The following CACNB1 variants were observed in gnomAD, a reference collection of about 807,000 sequenced individuals.
The protein encoded by CACNB1 is calcium voltage-gated channel auxiliary subunit beta 1.
In CACNB1, 29 loss-of-function variants were observed where a neutral mutation model predicts 71.6. The observed-to-expected ratio is 0.40, with a 90% CI of 0.30 to 0.55. CACNB1 has a LOEUF of 0.55. Among genes scored for constraint, CACNB1 ranks in the 20% least tolerant of loss-of-function variants. The probability of loss-of-function intolerance (pLI) is 0.38; values close to 1 mark genes in which losing one functional copy is unlikely to be tolerated. For missense variants in CACNB1, 623 were observed against 801.8 expected (o/e 0.78, Z 2.69); for synonymous variants, 300 against 319.6 (o/e 0.94, Z 0.65).
chr17:39,197,337 C>T, intron 1 of CACNB1, 75 bp downstream of exon 1: 1 of 981,400 alleles, frequency 1.0e-6, no homozygotes, highest in Non-Finnish European at 1.4e-6. Flanking sequence ...CTTCCTCTCC[C>T]GCGCCTCTCG....
rs2046087810 is a variant in CACNB1 at position 39,191,807 on chromosome 17, C to A, written c.172-214G>T. On this transcript the variant is annotated intron_variant, in intron 2 of 13. Coordinates refer to ENST00000394303, the MANE Select transcript of CACNB1 (RefSeq NM_000723.5). ...GAAAGTGTGGCCCTAGTGAGGGTGACAGCAGCAAGCAGGAGATGAAGGCAG... is the reference window on the plus strand; with the variant it reads ...GAAAGTGTGGCCCTAGTGAGGGTGAAAGCAGCAAGCAGGAGATGAAGGCAG... 6 of 532,268 alleles carry A rather than the reference C, an allele frequency of 1.1e-5. No homozygotes were observed. In the Admixed American group the frequency reaches 2.4e-4, roughly 22 times the overall value. 33.0% of individuals were successfully genotyped at this position (532,268 alleles called of 1,614,324 possible).
At chr17:39,193,591 T>C (rs1237165439) in intron 2 of CACNB1, 1 of 340,862 alleles carries the variant, frequency 2.9e-6, no homozygotes, top group Non-Finnish European at 5.9e-6. Context: ...TGCTAGGGTA[T>C]ATTTAGCTCA....
intron 12 of CACNB1, 127 bp downstream of exon 12, chr17:39,177,857 G>T: frequency 1.3e-6 from 1 of 768,794 alleles, no homozygotes; most frequent in Non-Finnish European, 2.3e-6. Flanking sequence ...CTTCCCAGAA[G>T]ACCAGTCTGC....
intron 1 of CACNB1, among the ~76,000 whole-genome samples, chr17:39,196,827 A>C (rs1597721895): frequency 2.9e-5 from 4 of 137,672 alleles, no homozygotes; most frequent in South Asian, 2.5e-4. Flanking sequence ...GTGTGGGGGG[A>C]GGGGAGCAGG....
rs760749834 is a variant in CACNB1 at position 39,195,014 on chromosome 17, C to T, written c.85-44G>A. The stretch of plus-strand genomic sequence containing the variant: ...GAACAAGAGTAGAATCAGAAGGGCC[C>T]TTTCCCAACCCTCATCTTGCCAGCC... On this transcript the variant is annotated intron_variant, in intron 1 of 13. Transcript: ENST00000394303. 6.5e-6 allele frequency: 9 copies of T among 1,374,750 alleles called. No homozygotes were observed. The African/African-American group carries it at 1.0e-4, about 15-fold the overall frequency. 85.2% of individuals were successfully genotyped at this position (1,374,750 alleles called of 1,614,324 possible).
intron 13 of CACNB1, chr17:39,177,022 G>T (rs970945675): frequency 3.2e-6 from 3 of 936,380 alleles, no homozygotes; most frequent in Non-Finnish European, 4.4e-6. Flanking sequence ...TGTCTTAAAA[G>T]CGCTCCCATC....
chr17:39,177,901 C>T, intron 12 of CACNB1, 83 bp downstream of exon 12: 1 of 1,110,332 alleles, frequency 9.0e-7, no homozygotes, highest in Non-Finnish European at 1.4e-6. Flanking sequence ...TCCTGGTCAC[C>T]CTGTCTCTCA....
rs753567164 is a variant in CACNB1, at chr17:39,193,604, G to C, written c.171+1280C>G. ...ACTGCTAGGGTATATTTAGCTCAGAGATGTGGCAAGGACTGCCCCCCTCCA... is the reference window on the plus strand; with the variant it reads ...ACTGCTAGGGTATATTTAGCTCAGACATGTGGCAAGGACTGCCCCCCTCCA... On this transcript the variant is annotated intron_variant, in intron 2 of 13. Coordinates refer to ENST00000394303, the MANE Select transcript of CACNB1 (RefSeq NM_000723.5). 9.8e-5 allele frequency: 31 copies of C among 316,706 alleles called. No individual in the cohort carries two copies. In the Middle Eastern group the frequency reaches 3.0e-3, roughly 31 times the overall value. 19.6% of individuals were successfully genotyped at this position (316,706 alleles called of 1,614,324 possible). A position where few individuals can be genotyped will look rare whatever the true frequency, so the allele number is the denominator to read the frequency against.
intron 3 of CACNB1, among the ~76,000 whole-genome samples, chr17:39,191,012 G>A (rs186060560): frequency 0.016 from 2,458 of 151,752 alleles, 69 homozygotes; most frequent in African/African-American, 0.057. Flanking sequence ...AGACCATCCT[G>A]GCTAACATGG....
chr17:39,187,393 G>T, intron 4 of CACNB1, 86 bp downstream of exon 4: 1 of 1,505,396 alleles, frequency 6.6e-7, no homozygotes, highest in Non-Finnish European at 9.2e-7. Context: ...GCCTGGCTCT[G>T]CTTGGCTCAG....
chr17:39,186,216 A>C lies in CACNB1; in HGVS notation c.628+280T>G. On this transcript the variant is annotated intron_variant, in intron 6 of 13. Coordinates refer to ENST00000394303, the MANE Select transcript of CACNB1 (RefSeq NM_000723.5). This position sits in a 1 kb window ranked among gnomAD's most constrained non-coding sequence, Gnocchi z 4.1. ...CAGGGATGGGGATGGGGAAAAAAGA[A>C]AGAAGAAGAGGTGAATGGAACAGGG... 2 of 902,682 alleles carry C rather than the reference A, an allele frequency of 2.2e-6. No homozygotes were observed. Among genetic ancestry groups the C allele is most frequent in the Non-Finnish European group, 3.5e-6 (2 of 569,630 alleles). The allele number at this position is 902,682 out of a possible 1,614,324, so 55.9% of individuals were successfully genotyped here. A position where few individuals can be genotyped will look rare whatever the true frequency, so the allele number is the denominator to read the frequency against.
chr17:39,194,107 T>C lies in CACNB1; in HGVS notation c.171+777A>G, dbSNP rs905562582. ...CCATTTCCTCTTCAATACACGCCTT[T>C]TCCTTGTCTAATCCCAAGCCCCTCT... On this transcript the variant is annotated intron_variant, in intron 2 of 13. Transcript: ENST00000394303. The surrounding 1 kb of genome is among the most constrained non-coding windows in gnomAD (Gnocchi z 4.6). Among the ~76,000 whole-genome samples, 2 of 152,096 alleles carry C rather than the reference T, an allele frequency of 1.3e-5. No individual in the cohort carries two copies. The highest frequency in any genetic ancestry group is 4.8e-5 in the African/African-American group (2 of 41,412).
rs761389003 is a variant in CACNB1 at position 39,175,232 on chromosome 17, A to G, written c.1758T>C (p.Asn586=). Reference sequence around the variant, plus strand: ...CGCCTCGTCCCCAGCCCTCCAGCTCATTCTTGTTGCGCCCCAAAACTGGAC... The same window carrying G: ...CGCCTCGTCCCCAGCCCTCCAGCTCGTTCTTGTTGCGCCCCAAAACTGGAC... ...GGGPVLGRNK[N]ELEGWGRGVY... Residue 586 remains asparagine, a synonymous_variant, in exon 14 of 14, where the codon AAT becomes AAC. Transcript: ENST00000394303. The surrounding 1 kb of genome is among the most constrained non-coding windows in gnomAD (Gnocchi z 4.7). 3 of 1,613,486 alleles carry G rather than the reference A, an allele frequency of 1.9e-6. 1 individual carries two copies. In the African/African-American group the frequency reaches 4.0e-5, roughly 22 times the overall value.
chr17:39,189,134 G>A (rs1160091058), intron 3 of CACNB1, among the ~76,000 whole-genome samples: 4 of 152,100 alleles, frequency 2.6e-5, no homozygotes, highest in African/African-American at 9.7e-5. Flanking sequence ...AAAGGCTAAG[G>A]TGGGTGGATC....
chr17:39,187,538 C>T lies in CACNB1; in HGVS notation c.355G>A (p.Val119Met). ...GTGATGGCCACTCCCTGCACAGGCA[C>T]CTCATCCCCTGGAGACGGATTGTAG... ...VGYNPSPGDE[V>M]PVQGVAITFE... is the part of the protein sequence containing the mutation. Residue 119 changes from valine to methionine, a missense_variant, in exon 4 of 14, where the codon GTG becomes ATG. By Grantham distance (21) the Val-to-Met change is conservative. Transcript: ENST00000394303. 6.2e-7 allele frequency: 1 copy of T among 1,614,174 alleles called. No homozygotes were observed. The highest frequency in any genetic ancestry group is 8.5e-7 in the Non-Finnish European group (1 of 1,180,024).
In CACNB1 at chr17:39,175,485, G is replaced by A. The variant is rs1405070657; in HGVS notation, c.1505C>T (p.Ala502Val). ...RALSRQDTFD[A>V]DTPGSRNSAY... The stretch of plus-strand genomic sequence containing the variant: ...AGAGTTTCGGCTGCCGGGGGTGTCG[G>A]CATCAAAAGTGTCTTGGCGGGACAG... Residue 502 changes from alanine (A) to valine (V), a missense_variant, in exon 14 of 14, where the codon GCC becomes GTC. Ala to Val is a moderately conservative substitution (Grantham distance 64). Transcript: ENST00000394303. This position sits in a 1 kb window ranked among gnomAD's most constrained non-coding sequence, Gnocchi z 4.7. 6.2e-7 allele frequency: 1 copy of A among 1,614,102 alleles called. No homozygotes were observed. The highest frequency in any genetic ancestry group is 8.5e-7 in the Non-Finnish European group (1 of 1,180,036).
chr17:39,184,718 AT>A, intron 8 of CACNB1, 65 bp downstream of exon 8: 1 of 1,135,068 alleles, frequency 8.8e-7, no homozygotes. Context: ...CTTCTAGGGG[AT>A]CTCTCTGGGG....
intron 11 of CACNB1, chr17:39,183,004 C>G: frequency 1.0e-6 from 1 of 966,644 alleles, no homozygotes; most frequent in Non-Finnish European, 1.2e-6. Flanking sequence ...CAGATCCCCA[C>G]TGGCATCTAG....
At chr17:39,191,325 A>G in intron 3 of CACNB1, 149 bp downstream of exon 3, 1 of 643,910 alleles carries the variant, frequency 1.6e-6, no homozygotes, top group Non-Finnish European at 2.6e-6. Context: ...TATAGCCCAC[A>G]TTGTGCAGGT....
Sources: gnomAD v4.1 joint callset for allele counts (sites outside exome capture counted in the v4.1 genomes callset) on GRCh38, gnomAD v4.1.1 for gene constraint, Gnocchi (gnomAD v3.1) non-coding constraint, MANE v1.5 for transcripts, NCBI Gene and HGNC (gene_info 2026-07-23, HGNC 2026-07-21) for gene names.